FAM151B: variants seen among roughly 807,000 people sequenced by gnomAD.
FAM151B encodes protein FAM151B.
Under a neutral mutation model 31.2 loss-of-function variants are expected in FAM151B, and 24 were observed. The observed-to-expected ratio is 0.77, with a 90% CI of 0.56 to 1.08. FAM151B has a LOEUF of 1.08. FAM151B is among the 50% of genes least tolerant of loss of function. The probability of loss-of-function intolerance (pLI) is 0.00; values close to 1 mark genes in which losing one functional copy is unlikely to be tolerated. For missense variants in FAM151B, 293 were observed against 328.6 expected (o/e 0.89, Z 0.84); for synonymous variants, 105 against 111.4 (o/e 0.94, Z 0.36).
chr5:80,523,536 G>A (rs1382997238), intron 5 of FAM151B, among the ~76,000 whole-genome samples: 1 of 152,140 alleles, frequency 6.6e-6, no homozygotes, highest in Non-Finnish European at 1.5e-5. Context: ...TATTCTGGAA[G>A]CATCGTTTGT....
Position 80,519,836 on chromosome 5 carries a change from T to G in FAM151B, c.461T>G (p.Val154Gly). 6.2e-7 allele frequency: 1 copy of G among 1,614,178 alleles called. No homozygotes were observed. Among genetic ancestry groups the G allele is most frequent in the Non-Finnish European group, 8.5e-7 (1 of 1,180,022 alleles). ...GATGCAAAACCATTTTTAGACACCG[T>G]GATATCCTTCTTTCCAGACGTGACG... ...VIDAKPFLDTVISFFPDVTFS... is the reference protein window; with the variant it reads ...VIDAKPFLDTGISFFPDVTFS... The change falls in exon 4 of 6, where the codon GTG becomes GGG. Residue 154 changes from valine to glycine, a missense_variant. Physicochemically the swap from Val to Gly is moderately radical, Grantham distance 109 (BLOSUM62 -3). Transcript: ENST00000282226.
In FAM151B at chr5:80,541,258, G is replaced by A. The variant is rs551001915; in HGVS notation, c.672-415G>A. The stretch of plus-strand genomic sequence containing the variant: ...ATGATTCTAAGTATTGTGGATGTCA[G>A]TGACATTTGTGTCTCTTCACAATCC... On this transcript the variant is annotated intron_variant, in intron 5 of 5. Coordinates refer to ENST00000282226, the MANE Select transcript of FAM151B (RefSeq NM_205548.3). Among the ~76,000 whole-genome samples the A allele has an allele frequency of 4.6e-5, 7 of 152,330 alleles. No homozygotes were observed. In the South Asian group the frequency reaches 1.4e-3, roughly 32 times the overall value.
chr5:80,538,440 C>CTTTCTTTT (rs1561383428), intron 5 of FAM151B, among the ~76,000 whole-genome samples: 1 of 59,874 alleles, frequency 1.7e-5, no homozygotes, highest in African/African-American at 9.5e-5. Context: ...TTCTTTCTTT[C>CTTTCTTTT]TTTCTTTCTC....
chr5:80,501,048 C>G, intron 1 of FAM151B: 1 of 475,086 alleles, frequency 2.1e-6, no homozygotes, highest in Non-Finnish European at 3.8e-6. Flanking sequence ...GAGTCTCACT[C>G]TGTCACCCAG....
chr5:80,517,800 G>A (rs115565697), intron 3 of FAM151B, among the ~76,000 whole-genome samples: 1,675 of 152,206 alleles, frequency 0.011, 18 homozygotes, highest in Non-Finnish European at 0.015. Flanking sequence ...GGCCAGGTGC[G>A]GTGGCTCATG....
At chr5:80,511,049 C>CAGA (rs993066803) in intron 2 of FAM151B, 6 of 152,034 alleles carry the variant, frequency 3.9e-5, no homozygotes, top group Non-Finnish European at 7.3e-5. Flanking sequence ...AAACATGGCA[C>CAGA]AGAAGATCGG....
chr5:80,495,959 T>G (rs1034208014), intron 1 of FAM151B, among the ~76,000 whole-genome samples: 9 of 152,146 alleles, frequency 5.9e-5, no homozygotes, highest in Non-Finnish European at 1.3e-4. Flanking sequence ...TTCCTTCTTA[T>G]GTATGAGCAA....
chr5:80,522,288 C>G (rs1744756248), intron 5 of FAM151B, 150 bp downstream of exon 5: 2 of 722,154 alleles, frequency 2.8e-6, no homozygotes, highest in Admixed American at 5.8e-5. Flanking sequence ...CACAGACTCC[C>G]TCACCGGATT....
chr5:80,534,479 C>T (rs34223495), intron 5 of FAM151B, among the ~76,000 whole-genome samples: 10 of 152,168 alleles, frequency 6.6e-5, no homozygotes, highest in East Asian at 1.9e-4. Flanking sequence ...TGTGATACAT[C>T]GTATTAACAG....
Position 80,529,626 on chromosome 5 carries a change from G to T in FAM151B, c.671+7488G>T, listed in dbSNP as rs186734372. On this transcript the variant is annotated intron_variant, in intron 5 of 5. Coordinates refer to ENST00000282226, the MANE Select transcript of FAM151B (RefSeq NM_205548.3). Reference sequence around the variant, plus strand: ...TATAAACACCTCTACGCAAATAAACGAGAAAATCTAGAAGAAATGGATAAA... The same window carrying T: ...TATAAACACCTCTACGCAAATAAACTAGAAAATCTAGAAGAAATGGATAAA... 1.8e-3 allele frequency among the ~76,000 whole-genome samples: 270 copies of T among 152,124 alleles called. 1 individual carries two copies. Among genetic ancestry groups the T allele is most frequent in the African/African-American group, 6.2e-3 (256 of 41,522 alleles).
intron 5 of FAM151B, among the ~76,000 whole-genome samples, chr5:80,530,390 A>G (rs888134363): frequency 2.0e-5 from 3 of 152,134 alleles, no homozygotes; most frequent in Admixed American, 1.3e-4. Context: ...GGCCAGGGCA[A>G]TCAGGCAGGA....
rs1184963331 is a variant in FAM151B at position 80,505,692 on chromosome 5, C to T, written c.151+3775C>T. Among the ~76,000 whole-genome samples the T allele has an allele frequency of 2.6e-5, 4 of 151,468 alleles. No homozygotes were observed. In the East Asian group the frequency reaches 7.7e-4, roughly 29 times the overall value. On this transcript the variant is annotated intron_variant, in intron 2 of 5. Coordinates refer to ENST00000282226, the MANE Select transcript of FAM151B (RefSeq NM_205548.3). Reference sequence around the variant, plus strand: ...TACAGGCGTGAGCCACCGCACCCAGCCACATCCATTGAGTTCTTACTACAT... The same window carrying T: ...TACAGGCGTGAGCCACCGCACCCAGTCACATCCATTGAGTTCTTACTACAT...
chr5:80,527,291 C>T (rs534488668), intron 5 of FAM151B, among the ~76,000 whole-genome samples: 2 of 152,102 alleles, frequency 1.3e-5, no homozygotes, highest in African/African-American at 4.8e-5. Context: ...GGTGTGGTGG[C>T]ACACGTCTGT....
At chr5:80,506,751 A>AT (rs1382882880) in intron 2 of FAM151B, among the ~76,000 whole-genome samples, 2 of 152,138 alleles carry the variant, frequency 1.3e-5, no homozygotes, top group East Asian at 1.9e-4. Flanking sequence ...AAGAGGAGAG[A>AT]TTTTTTTCCC....
At chr5:80,492,700 C>T (rs1743373644) in intron 1 of FAM151B, among the ~76,000 whole-genome samples, 1 of 152,184 alleles carries the variant, frequency 6.6e-6, no homozygotes, top group Non-Finnish European at 1.5e-5. Flanking sequence ...TGCCTGTAAT[C>T]CCAGAACTTT....
chr5:80,528,774 A>G (rs1287105136), intron 5 of FAM151B, among the ~76,000 whole-genome samples: 2 of 151,940 alleles, frequency 1.3e-5, no homozygotes, highest in Non-Finnish European at 2.9e-5. Context: ...TTAGATTCCC[A>G]CACAATAATA....
At chr5:80,494,768 C>T (rs1368074358) in intron 1 of FAM151B, among the ~76,000 whole-genome samples, 1 of 152,082 alleles carries the variant, frequency 6.6e-6, no homozygotes, top group Non-Finnish European at 1.5e-5. Context: ...CCCACCTCAG[C>T]CTCCCAAAGT....
chr5:80,532,134 CTG>C (rs1745269583), intron 5 of FAM151B, among the ~76,000 whole-genome samples: 1 of 147,426 alleles, frequency 6.8e-6, no homozygotes, highest in Non-Finnish European at 1.5e-5. Flanking sequence ...AAACCAAACA[CTG>C]TGTGTTCTCA....
intron 5 of FAM151B, among the ~76,000 whole-genome samples, chr5:80,529,471 C>A (rs1745124126): frequency 6.6e-6 from 1 of 151,982 alleles, no homozygotes; most frequent in South Asian, 2.1e-4. Context: ...AAAAGATCAA[C>A]AAAATTGATA....
Sources: gnomAD v4.1 joint callset for allele counts (sites outside exome capture counted in the v4.1 genomes callset) on GRCh38, gnomAD v4.1.1 for gene constraint, MANE v1.5 for transcripts, NCBI Gene and HGNC (gene_info 2026-07-23, HGNC 2026-07-21) for gene names.